Variants in PRKG1 observed in about 807,000 individuals in gnomAD.
PRKG1 encodes the protein protein kinase cGMP-dependent 1.
In PRKG1, 35 loss-of-function variants were observed where a neutral mutation model predicts 88.1. That is an observed-to-expected ratio of 0.40 (90% confidence interval 0.30 to 0.53). PRKG1 has a LOEUF of 0.53. PRKG1 is among the 20% of genes least tolerant of loss of function. PRKG1 has a pLI of 0.59. For synonymous variants in PRKG1, 303 were observed against 292.5 expected, an observed-to-expected ratio of 1.04 and a Z score of -0.37; for missense variants, 540 against 839.8, an observed-to-expected ratio of 0.64 and a Z score of 4.41.
chr10:51,046,715 A>G (rs1843493396), intron 1 of PRKG1, among the ~76,000 whole-genome samples: 1 of 152,226 alleles, frequency 6.6e-6, no homozygotes, highest in Non-Finnish European at 1.5e-5. Flanking sequence ...TTTGTCAGTC[A>G]AAACCCATGG....
At chr10:51,887,042 A>G (rs935292393) in intron 4 of PRKG1, among the ~76,000 whole-genome samples, 6 of 152,184 alleles carry the variant, frequency 3.9e-5, no homozygotes, top group African/African-American at 1.4e-4. Context: ...GTCGGAGTGC[A>G]GTGGTGCATC....
chr10:51,615,169 G>A (rs557495893), intron 3 of PRKG1, among the ~76,000 whole-genome samples: 3 of 151,424 alleles, frequency 2.0e-5, no homozygotes, highest in East Asian at 1.9e-4. Flanking sequence ...TTATCTCCTG[G>A]CCTATAAGGT....
At chr10:52,293,414 T>C (rs1842309475) in intron 17 of PRKG1, among the ~76,000 whole-genome samples, 5 of 151,818 alleles carry the variant, frequency 3.3e-5, no homozygotes, top group South Asian at 2.1e-4. Context: ...AAAACTACTT[T>C]AAAGTTCATA....
intron 3 of PRKG1, among the ~76,000 whole-genome samples, chr10:51,509,991 C>T (rs1175209290): frequency 6.6e-6 from 1 of 152,074 alleles, no homozygotes; most frequent in Non-Finnish European, 1.5e-5. Flanking sequence ...GATGATAAGA[C>T]TGAGATGCAG....
intron 3 of PRKG1, among the ~76,000 whole-genome samples, chr10:51,490,507 A>G (rs77686993): frequency 2.0e-5 from 3 of 152,228 alleles, no homozygotes; most frequent in Non-Finnish European, 4.4e-5. Flanking sequence ...TTTGTTCAGT[A>G]CTTTACATGC....
At chr10:52,142,131 T>G (rs1430264078) in intron 8 of PRKG1, among the ~76,000 whole-genome samples, 1 of 152,126 alleles carries the variant, frequency 6.6e-6, no homozygotes, top group Non-Finnish European at 1.5e-5. Context: ...AAAACCTCTT[T>G]TCCGAATCCT....
At chr10:51,498,808 T>G (rs2132887937) in intron 3 of PRKG1, among the ~76,000 whole-genome samples, 1 of 152,302 alleles carries the variant, frequency 6.6e-6, no homozygotes, top group African/African-American at 2.4e-5. Context: ...TTCTTCTGCA[T>G]TACAGCAGTA....
intron 8 of PRKG1, among the ~76,000 whole-genome samples, chr10:52,157,296 TGA>T (rs1183610879): frequency 1.6e-5 from 2 of 126,144 alleles, no homozygotes; most frequent in Admixed American, 9.3e-5. Flanking sequence ...ATATTGTGTG[TGA>T]GTTAGTTGAT....
At chr10:52,107,872 A>T (rs1847462253) in intron 7 of PRKG1, among the ~76,000 whole-genome samples, 1 of 152,222 alleles carries the variant, frequency 6.6e-6, no homozygotes, top group South Asian at 2.1e-4. Flanking sequence ...GAAAGAAGGT[A>T]TGATTAACTT....
rs796603298 is a variant in PRKG1 at position 52,287,708 on chromosome 10, A to T, written c.1710-1018A>T. The stretch of plus-strand genomic sequence containing the variant: ...CAAGGATGGATCAGTTAAAAAAAAA[A>T]AAAAAAAAAAAAATCAACAGATCTG... On this transcript the variant is annotated intron_variant, in intron 14 of 17. Transcript: ENST00000373980. Among the ~76,000 whole-genome samples the T allele has an allele frequency of 1.3e-3, 198 of 151,924 alleles. 1 individual carries two copies. Among genetic ancestry groups the T allele is most frequent in the African/African-American group, 4.6e-3 (190 of 41,444 alleles).
chr10:51,394,664 T>C (rs1429508305), intron 2 of PRKG1, among the ~76,000 whole-genome samples: 2 of 152,212 alleles, frequency 1.3e-5, no homozygotes, highest in African/African-American at 4.8e-5. Flanking sequence ...TTTCTACACA[T>C]TGCAAATATT....
chr10:51,206,666 CT>C (rs1424394719), intron 2 of PRKG1, among the ~76,000 whole-genome samples: 1 of 152,138 alleles, frequency 6.6e-6, no homozygotes, highest in African/African-American at 2.4e-5. Context: ...CCCACTTTTT[CT>C]TGGGAAATAG....
At chr10:51,578,990 T>G (rs1837960864) in intron 3 of PRKG1, among the ~76,000 whole-genome samples, 2 of 137,810 alleles carry the variant, frequency 1.5e-5, no homozygotes, top group Admixed American at 1.4e-4. Context: ...GTTTTTTTTT[T>G]TTTTTTTTTT....
chr10:51,442,456 T>C (rs941243479), intron 2 of PRKG1, among the ~76,000 whole-genome samples: 1 of 152,022 alleles, frequency 6.6e-6, no homozygotes, highest in African/African-American at 2.4e-5. Flanking sequence ...GATTCAGATA[T>C]GGCTACAACA....
At chr10:51,366,757 A>T (rs1484832000) in intron 2 of PRKG1, among the ~76,000 whole-genome samples, 3 of 151,988 alleles carry the variant, frequency 2.0e-5, no homozygotes, top group Admixed American at 6.6e-5. Context: ...CAGCATGTAC[A>T]TGAAAGCTTT....
intron 3 of PRKG1, among the ~76,000 whole-genome samples, chr10:51,794,924 A>C (rs1353408074): frequency 2.6e-5 from 4 of 152,222 alleles, no homozygotes; most frequent in African/African-American, 9.6e-5. Flanking sequence ...ATATTTATAG[A>C]AAGGAGATAG....
intron 2 of PRKG1, among the ~76,000 whole-genome samples, chr10:51,363,477 G>A (rs1036717851): frequency 4.0e-5 from 6 of 151,858 alleles, no homozygotes; most frequent in African/African-American, 1.5e-4. Flanking sequence ...GCAAGTATGT[G>A]GATGTAAAAA....
At chr10:51,742,376 T>A (rs1186065392) in intron 3 of PRKG1, among the ~76,000 whole-genome samples, 1 of 152,238 alleles carries the variant, frequency 6.6e-6, no homozygotes, top group Non-Finnish European at 1.5e-5. Flanking sequence ...AGAATCTTGA[T>A]ACTCCAAAAC....
chr10:51,566,964 T>C (rs7897720), intron 3 of PRKG1, among the ~76,000 whole-genome samples: 10,332 of 151,364 alleles, frequency 0.068, 1,152 homozygotes, highest in African/African-American at 0.24. Context: ...AAAAACAAGG[T>C]AGTGGTAACT....
Sources: gnomAD v4.1 joint callset for allele counts (sites outside exome capture counted in the v4.1 genomes callset) on GRCh38, gnomAD v4.1.1 for gene constraint, MANE v1.5 for transcripts, NCBI Gene and HGNC (gene_info 2026-07-23, HGNC 2026-07-21) for gene names.